KIF21A: variants seen among roughly 807,000 people sequenced by gnomAD.
KIF21A encodes kinesin-like protein KIF21A.
KIF21A carries 114 observed loss-of-function variants against 202.9 expected under a neutral mutation model. That is an observed-to-expected ratio of 0.56 (90% CI 0.48 to 0.66). The LOEUF is 0.66. Ranked by LOEUF, KIF21A falls within the 30% of genes least tolerant of loss-of-function variation. The pLI is 0.00. For missense variants in KIF21A, 1,677 were observed against 1,994.9 expected (o/e 0.84, Z 3.04); for synonymous variants, 667 against 670.8 (o/e 0.99, Z 0.09).
At chr12:39,366,899 G>A in intron 5 of KIF21A, 131 bp downstream of exon 5, 1 of 915,644 alleles carries the variant, frequency 1.1e-6, no homozygotes, top group Non-Finnish European at 1.7e-6. Flanking sequence ...ACTTAACTAG[G>A]ATCAGAAAAG....
intron 3 of KIF21A, among the ~76,000 whole-genome samples, chr12:39,369,267 T>A (rs538261282): frequency 3.5e-4 from 53 of 152,254 alleles, no homozygotes; most frequent in Non-Finnish European, 6.6e-4. Flanking sequence ...GAGACCAGCC[T>A]AGGCAACATG....
chr12:39,332,924 C>T lies in KIF21A; in HGVS notation c.2671G>A (p.Ala891Thr). Reference sequence around the variant, plus strand: ...CCATTTGTTGCCGGCGTTGGTAAGGCCTGGACTCTCGCCACAGGAATTCTC... The same window carrying T: ...CCATTTGTTGCCGGCGTTGGTAAGGTCTGGACTCTCGCCACAGGAATTCTC... ...KMRIPVARVQALPTPATNGNR... is the reference protein window; with the variant it reads ...KMRIPVARVQTLPTPATNGNR... The change falls in exon 19 of 38, where the codon GCC becomes ACC. Residue 891 changes from alanine (A) to threonine (T), a missense_variant. This residue lies in a region of KIF21A where 966 missense variants were observed against 1,180.9 expected (regional missense o/e 0.82). Coordinates refer to ENST00000361418, the MANE Select transcript of KIF21A (RefSeq NM_001173464.2). 1.2e-6 allele frequency: 2 copies of T among 1,613,994 alleles called. No homozygotes were observed. Among genetic ancestry groups the T allele is most frequent in the South Asian group, 1.1e-5 (1 of 91,070 alleles).
At chr12:39,323,731 T>C (rs1328225876) in intron 26 of KIF21A, among the ~76,000 whole-genome samples, 1 of 152,208 alleles carries the variant, frequency 6.6e-6, no homozygotes, top group African/African-American at 2.4e-5. Context: ...TTCAGCTGTA[T>C]AGCCCCAGCT....
chr12:39,298,842 G>C (rs138247104), intron 37 of KIF21A, among the ~76,000 whole-genome samples: 105 of 152,228 alleles, frequency 6.9e-4, no homozygotes, highest in African/African-American at 1.9e-3. Flanking sequence ...AATTATCTAT[G>C]TAAGTTATAA....
In KIF21A at chr12:39,363,245, G is replaced by A. The variant is rs1949365852; in HGVS notation, c.904-32C>T. The stretch of plus-strand genomic sequence containing the variant: ...GAAAGAGAAAGAAAGACAGCAAAAT[G>A]ATACAAATTTACTAATTATAACAAT... On this transcript the variant is annotated intron_variant, in intron 6 of 37. Transcript: ENST00000361418. 9 of 1,287,610 alleles carry A rather than the reference G, an allele frequency of 7.0e-6. No homozygotes were observed. In the Admixed American group the frequency reaches 1.5e-4, roughly 22 times the overall value. 79.8% of individuals were successfully genotyped at this position (1,287,610 alleles called of 1,614,324 possible).
intron 33 of KIF21A, among the ~76,000 whole-genome samples, chr12:39,308,154 G>A (rs1451677027): frequency 6.6e-6 from 1 of 151,890 alleles, no homozygotes; most frequent in Non-Finnish European, 1.5e-5. Flanking sequence ...GATCACCTGA[G>A]GTCAGGAGTT....
chr12:39,317,222 C>T (rs958914), intron 29 of KIF21A, among the ~76,000 whole-genome samples: 45,379 of 151,858 alleles, frequency 0.3, 8,495 homozygotes, highest in African/African-American at 0.53. Context: ...TTAAAAACTA[C>T]GGTATGATTC....
chr12:39,441,679 A>AAAAAAAAAAAAAAAC (rs1592774994), intron 1 of KIF21A, among the ~76,000 whole-genome samples: 1 of 147,910 alleles, frequency 6.8e-6, no homozygotes, highest in African/African-American at 2.5e-5. Flanking sequence ...AAAAAAAAAA[A>AAAAAAAAAAAAAAAC]ACACTTAAAA....
chr12:39,368,030 G>C lies in KIF21A; in HGVS notation c.453C>G (p.Leu151=), dbSNP rs185330085. The stretch of plus-strand genomic sequence containing the variant: ...ATAAGTCAAGGACCTCTTCATTATA[G>C]AGCTATCAAAAAAATATTAGAAATC... ...DFKVNAQFLE[L]YNEEVLDLFD... Residue 151 remains leucine (L), a splice_region_variant and synonymous_variant, in exon 4 of 38, where the codon CTC becomes CTG. Coordinates refer to ENST00000361418, the MANE Select transcript of KIF21A (RefSeq NM_001173464.2). 3.2e-6 allele frequency: 5 copies of C among 1,575,340 alleles called. No homozygotes were observed. In the Admixed American group the frequency reaches 8.4e-5, roughly 26 times the overall value.
In KIF21A at chr12:39,293,303, T is replaced by C. The variant is rs1160203052; in HGVS notation, c.*1121A>G. ...AAGCAAATATTTTCAGGGGAAAAAA[T>C]CACATAAGACAATATTTTCAAATGT... On this transcript the variant is annotated 3_prime_UTR_variant, in exon 38 of 38. Coordinates refer to ENST00000361418, the MANE Select transcript of KIF21A (RefSeq NM_001173464.2). The C allele has an allele frequency of 6.6e-6, 1 of 152,218 alleles. No homozygotes were observed. The allele number at this position is 152,218 out of a possible 1,614,324, so 9.4% of individuals were successfully genotyped here. A position where few individuals can be genotyped will look rare whatever the true frequency, so the allele number is the denominator to read the frequency against.
Position 39,322,738 on chromosome 12 carries a change from T to C in KIF21A, c.3601A>G (p.Thr1201Ala), listed in dbSNP as rs1945417891. ...TTTTCCCTAGCAGAAGTACCACTTG[T>C]CTCTGTATTCATTCCAATCTCTTGC... ...EGQEIGMNTE[T>A]SGTSAREKEL... The change falls in exon 27 of 38, where the codon ACA (threonine) becomes GCA (alanine). Residue 1201 changes from threonine (T) to alanine (A), a missense_variant. Physicochemically the swap from Thr to Ala is moderately conservative, Grantham distance 58. Around this residue, in one of 3 missense-constraint regions of KIF21A, gnomAD observed 705 missense variants for 791.9 expected, o/e 0.89. Transcript: ENST00000361418. 1.2e-6 allele frequency: 2 copies of C among 1,614,166 alleles called. No individual in the cohort carries two copies. Among genetic ancestry groups the C allele is most frequent in the South Asian group, 1.1e-5 (1 of 91,078 alleles).
chr12:39,373,167 C>A (rs1950067161), intron 1 of KIF21A, among the ~76,000 whole-genome samples: 1 of 152,290 alleles, frequency 6.6e-6, no homozygotes, highest in East Asian at 1.9e-4. Flanking sequence ...CCCTTCAGTG[C>A]ATCTCTAAAT....
intron 1 of KIF21A, among the ~76,000 whole-genome samples, chr12:39,376,614 G>A (rs1417302875): frequency 6.6e-6 from 1 of 152,084 alleles, no homozygotes; most frequent in Non-Finnish European, 1.5e-5. Flanking sequence ...AAATAAATAA[G>A]TCTATGCTAT....
intron 1 of KIF21A, among the ~76,000 whole-genome samples, chr12:39,380,625 G>A (rs1369572401): frequency 1.3e-5 from 2 of 152,174 alleles, no homozygotes; most frequent in African/African-American, 4.8e-5. Flanking sequence ...GGAGGCTGAA[G>A]AGGAGAGGAC....
chr12:39,346,428 A>AT, intron 12 of KIF21A, 38 bp downstream of exon 12: 1 of 1,420,378 alleles, frequency 7.0e-7, no homozygotes. Flanking sequence ...TAAGTATTTA[A>AT]ACGACATTTT....
At chr12:39,379,771 T>C (rs1281426419) in intron 1 of KIF21A, among the ~76,000 whole-genome samples, 1 of 152,186 alleles carries the variant, frequency 6.6e-6, no homozygotes, top group Non-Finnish European at 1.5e-5. Context: ...AGCCACTTCT[T>C]ATACCATAGC....
rs1019924340 is a variant in KIF21A, at chr12:39,415,316, G to T, written c.44+27611C>A. 9.5e-5 allele frequency among the ~76,000 whole-genome samples: 13 copies of T among 137,270 alleles called. No individual in the cohort carries two copies. The East Asian group carries it at 2.6e-3, about 27-fold the overall frequency. 90.1% of individuals were successfully genotyped at this position (137,270 alleles called of 152,430 possible). A position where few individuals can be genotyped will look rare whatever the true frequency, so the allele number is the denominator to read the frequency against. ...GTGCACTGGCGCGATCTCGAATCAC[G>T]GCAAGCTCCGCCTCCCGGGTTCACG... On this transcript the variant is annotated intron_variant, in intron 1 of 37. Transcript: ENST00000361418.
chr12:39,363,272 T>G, intron 6 of KIF21A, 59 bp from the exon 7 acceptor site: 1 of 970,672 alleles, frequency 1.0e-6, no homozygotes, highest in East Asian at 2.5e-5. Flanking sequence ...TATAACAATT[T>G]TAAATAAAGA....
At chr12:39,360,088 T>C (rs1165641289) in intron 7 of KIF21A, among the ~76,000 whole-genome samples, 1 of 152,044 alleles carries the variant, frequency 6.6e-6, no homozygotes, top group African/African-American at 2.4e-5. Flanking sequence ...AAGTCAGGAA[T>C]AAGAGTAACT....
Sources: gnomAD v4.1 joint callset for allele counts (sites outside exome capture counted in the v4.1 genomes callset) on GRCh38, gnomAD v4.1.1 for gene constraint, gnomAD v4.1.1 regional missense constraint, MANE v1.5 for transcripts, NCBI Gene and HGNC (gene_info 2026-07-23, HGNC 2026-07-21) for gene names.